KLF17: variants seen among roughly 807,000 people sequenced by gnomAD.
KLF17 encodes Krueppel-like factor 17.
KLF17 carries 31 observed loss-of-function variants against 34.2 expected under a neutral mutation model. That is an observed-to-expected ratio of 0.91 (90% CI 0.68 to 1.22). The LOEUF (loss-of-function observed/expected upper bound fraction) is 1.22, where lower values mean the gene tolerates loss of function less well. KLF17 is among the 50% of genes most tolerant of loss of function. The pLI is 0.00. For missense variants in KLF17, 478 were observed against 505.2 expected (o/e 0.95, Z 0.52); for synonymous variants, 179 against 186.7 (o/e 0.96, Z 0.34).
chr1:44,120,157 TTTG>T (rs2087929722), intron 1 of KLF17, among the ~76,000 whole-genome samples: 1 of 152,168 alleles, frequency 6.6e-6, no homozygotes, highest in African/African-American at 2.4e-5. Flanking sequence ...ACAAGATTAA[TTTG>T]TTGTTTGAGG....
the KLF17 span, among the ~76,000 whole-genome samples, chr1:44,093,787 C>G: frequency 6.6e-6 from 1 of 152,200 alleles, no homozygotes; most frequent in Non-Finnish European, 1.5e-5. Context: ...GCTATGTCTC[C>G]TAAGGCTCTG....
the KLF17 span, among the ~76,000 whole-genome samples, chr1:44,067,283 A>T: frequency 1.3e-5 from 2 of 152,172 alleles, no homozygotes; most frequent in Admixed American, 6.5e-5. Context: ...AGACAACAGG[A>T]TCTGCAATAC....
At chr1:44,049,879 T>A in the KLF17 span, among the ~76,000 whole-genome samples, 1 of 152,260 alleles carries the variant, frequency 6.6e-6, no homozygotes, top group Non-Finnish European at 1.5e-5. Flanking sequence ...CATGAATATA[T>A]AATAATTTAT....
At chr1:44,099,308 G>A in the KLF17 span, among the ~76,000 whole-genome samples, 1 of 152,086 alleles carries the variant, frequency 6.6e-6, no homozygotes, top group Non-Finnish European at 1.5e-5. Flanking sequence ...GAAGACTAAG[G>A]TGGGAGGATT....
chr1:44,106,927 G>C, the KLF17 span: 1 of 152,252 alleles, frequency 6.6e-6, no homozygotes, highest in Non-Finnish European at 1.5e-5. Context: ...TCCATTATCT[G>C]TTGAGCATTC....
the KLF17 span, chr1:44,106,668 C>G: frequency 1.3e-5 from 2 of 152,074 alleles, no homozygotes; most frequent in Admixed American, 1.3e-4. Flanking sequence ...TGGGGGAGGG[C>G]TAGGACTGGG....
the KLF17 span, among the ~76,000 whole-genome samples, chr1:44,082,030 G>A: frequency 1.1e-4 from 16 of 152,224 alleles, no homozygotes; most frequent in African/African-American, 3.9e-4. Context: ...CATATATTGG[G>A]AAAGTTAATG....
chr1:44,101,754 T>C, the KLF17 span: 49,182 of 151,926 alleles, frequency 0.32, 8,066 homozygotes, highest in South Asian at 0.38. Context: ...CAGCCAGGCA[T>C]GGTGGCTCAT....
intron 2 of KLF17, 45 bp from the exon 3 acceptor site, chr1:44,130,467 C>T: frequency 6.2e-7 from 1 of 1,612,158 alleles, no homozygotes; most frequent in Non-Finnish European, 8.5e-7. Context: ...AGACCCCTTC[C>T]TTCCTACTGT....
At chr1:44,132,530 C>A (rs538788835) in intron 3 of KLF17, among the ~76,000 whole-genome samples, 2 of 152,286 alleles carry the variant, frequency 1.3e-5, no homozygotes, top group Admixed American at 1.3e-4. Flanking sequence ...AAATACATCA[C>A]CTTACGTTAC....
At chr1:44,050,296 C>T in the KLF17 span, among the ~76,000 whole-genome samples, 2 of 152,132 alleles carry the variant, frequency 1.3e-5, no homozygotes, top group Admixed American at 6.5e-5. Context: ...ACTTGGACTC[C>T]GGACCAGATT....
chr1:44,049,558 C>T, the KLF17 span, among the ~76,000 whole-genome samples: 29 of 152,386 alleles, frequency 1.9e-4, no homozygotes, highest in African/African-American at 6.7e-4. Flanking sequence ...TCTCAGTTCA[C>T]TGCAACCTCT....
At chr1:44,074,470 C>T in the KLF17 span, among the ~76,000 whole-genome samples, 1 of 152,132 alleles carries the variant, frequency 6.6e-6, no homozygotes, top group African/African-American at 2.4e-5. Context: ...TCCATCTCTG[C>T]CACCATACCT....
chr1:44,116,936 G>A (rs2087884431), upstream of KLF17, among the ~76,000 whole-genome samples: 1 of 152,032 alleles, frequency 6.6e-6, no homozygotes, highest in African/African-American at 2.4e-5. Context: ...TGTTTCAGTT[G>A]CCTCCAAATC....
intron 1 of KLF17, chr1:44,122,100 AC>A: frequency 8.8e-7 from 1 of 1,141,296 alleles, no homozygotes; most frequent in Non-Finnish European, 1.3e-6. Context: ...CACAACCTGT[AC>A]AAAAAATATC....
intron 1 of KLF17, among the ~76,000 whole-genome samples, chr1:44,127,010 C>T (rs556117802): frequency 2.4e-4 from 37 of 151,754 alleles, no homozygotes; most frequent in African/African-American, 8.0e-4. Context: ...ATCCTTTCCA[C>T]TTCAGCCTCC....
At chr1:44,069,359 T>G in the KLF17 span, among the ~76,000 whole-genome samples, 2 of 152,080 alleles carry the variant, frequency 1.3e-5, no homozygotes, top group Admixed American at 1.3e-4. The surrounding 1 kb of genome is among the most constrained non-coding windows in gnomAD (Gnocchi z 4.7). Context: ...GAAAAGAGGT[T>G]TATTTTGGCT....
At chr1:44,087,724 TTATATATATATATATATATATATATA>T in the KLF17 span, among the ~76,000 whole-genome samples, 5 of 75,646 alleles carry the variant, frequency 6.6e-5, no homozygotes, top group African/African-American at 1.9e-4. Flanking sequence ...CCTATATATT[TTATATATATATATATATATATATATA>T]TATATATATA....
chr1:44,113,140 C>A, the KLF17 span, among the ~76,000 whole-genome samples: 1 of 152,270 alleles, frequency 6.6e-6, no homozygotes, highest in South Asian at 2.1e-4. Flanking sequence ...GTGGCTTATG[C>A]CTGTAATCCC....
Sources: gnomAD v4.1 joint callset for allele counts (sites outside exome capture counted in the v4.1 genomes callset) on GRCh38, gnomAD v4.1.1 for gene constraint, Gnocchi (gnomAD v3.1) non-coding constraint, MANE v1.5 for transcripts, NCBI Gene and HGNC (gene_info 2026-07-23, HGNC 2026-07-21) for gene names.